PCSK2: variants seen among roughly 807,000 people sequenced by gnomAD.
PCSK2 encodes neuroendocrine convertase 2.
PCSK2 carries 14 observed loss-of-function variants against 69.7 expected under a neutral mutation model. That is an observed-to-expected ratio of 0.20 (90% confidence interval 0.13 to 0.31). The LOEUF (loss-of-function observed/expected upper bound fraction) is 0.31. PCSK2 is among the 10% of genes least tolerant of loss of function. The pLI is 1.00. For missense variants in PCSK2, 544 were observed against 842.5 expected (o/e 0.65, Z 4.39); for synonymous variants, 307 against 320.7 (o/e 0.96, Z 0.46).
At position 17,297,058 on chromosome 20, in the gene PCSK2, C is replaced by T. The variant is rs191338393; in HGVS notation, c.282+36714C>T. Among the ~76,000 whole-genome samples the T allele has an allele frequency of 4.0e-4, 61 of 152,158 alleles. 1 individual carries two copies. Among genetic ancestry groups the T allele is most frequent in the South Asian group, 8.3e-4 (4 of 4,816 alleles). The stretch of plus-strand genomic sequence containing the variant: ...CATGACATAAGAATACAATTATAAT[C>T]GTATAACCTTCATTAATTAAAAGAG... On this transcript the variant is annotated intron_variant, in intron 2 of 11. Coordinates refer to ENST00000262545, the MANE Select transcript of PCSK2 (RefSeq NM_002594.5).
chr20:17,240,519 T>A (rs1288594303), intron 1 of PCSK2, among the ~76,000 whole-genome samples: 3 of 152,052 alleles, frequency 2.0e-5, no homozygotes, highest in African/African-American at 7.2e-5. Context: ...TGAAAGACAT[T>A]GGCATCTGTA....
rs759212601 is a variant in PCSK2, at chr20:17,482,081, C to A, written c.*11C>A. ...CTTAACAAGAACTAGCGCTGCACAT[C>A]CGCCTTTCCCACCGCCCTCCCTCCC... is the stretch of plus-strand genomic sequence containing the variant. On this transcript the variant is annotated 3_prime_UTR_variant, in exon 12 of 12. Transcript: ENST00000262545. 20 of 1,541,510 alleles carry A rather than the reference C, an allele frequency of 1.3e-5. No homozygotes were observed. In the East Asian group the frequency reaches 3.8e-4, roughly 30 times the overall value.
chr20:17,434,840 G>T (rs1285596040), intron 7 of PCSK2, among the ~76,000 whole-genome samples: 4 of 152,208 alleles, frequency 2.6e-5, no homozygotes, highest in African/African-American at 9.6e-5. Context: ...CCCACCCACA[G>T]AGTGGGCGTG....
chr20:17,427,591 A>C (rs2123334326), intron 6 of PCSK2, among the ~76,000 whole-genome samples: 1 of 152,300 alleles, frequency 6.6e-6, no homozygotes, highest in Non-Finnish European at 1.5e-5. Flanking sequence ...GCTGCATAAC[A>C]AATTATTCCA....
At chr20:17,427,220 G>A (rs1018938497) in intron 6 of PCSK2, among the ~76,000 whole-genome samples, 1 of 152,166 alleles carries the variant, frequency 6.6e-6, no homozygotes, top group African/African-American at 2.4e-5. Flanking sequence ...TGGTAAAAGA[G>A]GTTGTTTTAT....
chr20:17,255,482 C>A (rs985476324), intron 1 of PCSK2, among the ~76,000 whole-genome samples: 1 of 152,046 alleles, frequency 6.6e-6, no homozygotes, highest in Non-Finnish European at 1.5e-5. Context: ...GCTGGGACTA[C>A]AGGAGCCTGC....
At chr20:17,294,660 C>T (rs1396155436) in intron 2 of PCSK2, among the ~76,000 whole-genome samples, 1 of 152,178 alleles carries the variant, frequency 6.6e-6, no homozygotes, top group Non-Finnish European at 1.5e-5. Flanking sequence ...ATTTGATCCT[C>T]CTTCCTTTAT....
chr20:17,400,568 TA>T (rs940195707), intron 5 of PCSK2, among the ~76,000 whole-genome samples: 10 of 151,692 alleles, frequency 6.6e-5, no homozygotes, highest in Admixed American at 2.6e-4. Flanking sequence ...ATCATTACAG[TA>T]AAAAAAAATT....
chr20:17,278,970 C>T (rs1403283445), intron 2 of PCSK2, among the ~76,000 whole-genome samples: 1 of 152,026 alleles, frequency 6.6e-6, no homozygotes, highest in Non-Finnish European at 1.5e-5. Flanking sequence ...CGATCCATTG[C>T]TTTATTTGGT....
Position 17,429,495 on chromosome 20 carries a change from T to A in PCSK2, c.681T>A (p.Val227=). 1 of 1,613,626 alleles carries A rather than the reference T, an allele frequency of 6.2e-7. No homozygotes were observed. Among genetic ancestry groups the A allele is most frequent in the South Asian group, 1.1e-5 (1 of 91,006 alleles). ...CCGCCAACAACAATATCTGTGGAGT[T>A]GGAGTAGCATACAACTCCAAGGTTG... ...SAAANNNICG[V]GVAYNSKVAG... Residue 227 remains valine, a synonymous_variant, in exon 7 of 12, where the codon GTT becomes GTA. Coordinates refer to ENST00000262545, the MANE Select transcript of PCSK2 (RefSeq NM_002594.5).
At chr20:17,338,680 G>A (rs182839586) in intron 2 of PCSK2, among the ~76,000 whole-genome samples, 219 of 152,144 alleles carry the variant, frequency 1.4e-3, no homozygotes, top group Middle Eastern at 0.01. Flanking sequence ...TGGCACTTCC[G>A]GGAACTCAGA....
intron 4 of PCSK2, among the ~76,000 whole-genome samples, chr20:17,365,452 A>AC (rs770474821): frequency 3.6e-4 from 54 of 151,234 alleles, no homozygotes; most frequent in East Asian, 1.2e-3. Context: ...CGCAAGCACC[A>AC]CCCCCCCGAA....
At chr20:17,439,567 G>T (rs1392085095) in intron 8 of PCSK2, among the ~76,000 whole-genome samples, 7 of 152,172 alleles carry the variant, frequency 4.6e-5, no homozygotes, top group Non-Finnish European at 8.8e-5. Flanking sequence ...AAGAATTGAT[G>T]AAATGAGCTC....
chr20:17,305,556 C>T (rs1989300153), intron 2 of PCSK2, among the ~76,000 whole-genome samples: 1 of 152,122 alleles, frequency 6.6e-6, no homozygotes, highest in South Asian at 2.1e-4. Context: ...AAACTGGTCA[C>T]TTTAATTCTT....
At chr20:17,237,229 A>C (rs1478053963) in intron 1 of PCSK2, among the ~76,000 whole-genome samples, 1 of 152,214 alleles carries the variant, frequency 6.6e-6, no homozygotes, top group Non-Finnish European at 1.5e-5. Context: ...TCAAGGCTCC[A>C]AAAATTGAGC....
At chr20:17,469,950 T>C (rs1600605349) in intron 11 of PCSK2, among the ~76,000 whole-genome samples, 1 of 152,146 alleles carries the variant, frequency 6.6e-6, no homozygotes, top group East Asian at 1.9e-4. Flanking sequence ...GGTGCTCCCA[T>C]CTCCCAAACC....
chr20:17,365,456 C>T (rs1402979931), intron 4 of PCSK2, among the ~76,000 whole-genome samples: 2 of 152,170 alleles, frequency 1.3e-5, no homozygotes, highest in East Asian at 3.9e-4. Context: ...AGCACCACCC[C>T]CCCGAAAATT....
At chr20:17,376,134 C>T (rs958263664) in intron 5 of PCSK2, among the ~76,000 whole-genome samples, 2 of 152,284 alleles carry the variant, frequency 1.3e-5, no homozygotes, top group South Asian at 2.1e-4. Context: ...GAAGAGCTTC[C>T]CTGCTGCCAC....
chr20:17,325,188 C>A (rs1003138772), intron 2 of PCSK2, among the ~76,000 whole-genome samples: 1 of 152,084 alleles, frequency 6.6e-6, no homozygotes, highest in Admixed American at 6.5e-5. Context: ...CCTGTGGGTC[C>A]AGGCTGTCTC....
Sources: gnomAD v4.1 joint callset for allele counts (sites outside exome capture counted in the v4.1 genomes callset) on GRCh38, gnomAD v4.1.1 for gene constraint, MANE v1.5 for transcripts, NCBI Gene and HGNC (gene_info 2026-07-23, HGNC 2026-07-21) for gene names.